SOX6: variants seen among roughly 807,000 people sequenced by gnomAD.
SOX6 encodes transcription factor SOX-6.
In SOX6, 11 loss-of-function variants were observed where a neutral mutation model predicts 97.8. The observed-to-expected ratio is 0.11, with a 90% CI of 0.07 to 0.19. SOX6 has a LOEUF of 0.19. SOX6 is among the 10% of genes least tolerant of loss of function. The pLI, the probability that SOX6 is intolerant of heterozygous loss-of-function variation, is 1.00. For synonymous variants in SOX6, 360 were observed against 371.4 expected, an observed-to-expected ratio of 0.97 and a Z score of 0.35; for missense variants, 810 against 1,039.5, an observed-to-expected ratio of 0.78 and a Z score of 3.04.
chr11:16,104,553 T>G (rs1012875886), intron 7 of SOX6, among the ~76,000 whole-genome samples: 3 of 151,778 alleles, frequency 2.0e-5, no homozygotes, highest in African/African-American at 7.3e-5. Flanking sequence ...TATTACCACT[T>G]ATATCTAAGA....
At chr11:16,012,562 T>A (rs1379315239) in intron 13 of SOX6, among the ~76,000 whole-genome samples, 1 of 151,960 alleles carries the variant, frequency 6.6e-6, no homozygotes, top group African/African-American at 2.4e-5. Flanking sequence ...CAGAGTAACA[T>A]GAGAGCTGGT....
intron 2 of SOX6, among the ~76,000 whole-genome samples, chr11:16,331,951 C>T (rs1208453573): frequency 1.3e-5 from 2 of 152,064 alleles, no homozygotes; most frequent in African/African-American, 4.8e-5. Context: ...TTTTATTTTC[C>T]CCTCTTAACT....
intron 4 of SOX6, among the ~76,000 whole-genome samples, chr11:16,224,746 G>C (rs1284390604): frequency 6.6e-6 from 1 of 151,904 alleles, no homozygotes; most frequent in Admixed American, 6.6e-5. Context: ...GAGTCCATGG[G>C]TTCTGCAATA....
At chr11:16,062,439 A>T (rs1847982537) in intron 9 of SOX6, among the ~76,000 whole-genome samples, 1 of 151,722 alleles carries the variant, frequency 6.6e-6, no homozygotes, top group Non-Finnish European at 1.5e-5. Flanking sequence ...AGTCATAATG[A>T]TTATAATAAT....
At chr11:16,372,788 G>C (rs1857525971) in intron 1 of SOX6, among the ~76,000 whole-genome samples, 1 of 152,066 alleles carries the variant, frequency 6.6e-6, no homozygotes, top group Non-Finnish European at 1.5e-5. Context: ...GATATCACCA[G>C]CTGGACACGT....
chr11:16,664,252 C>A (rs1355322021), intron 3 of SOX6, among the ~76,000 whole-genome samples: 5 of 152,184 alleles, frequency 3.3e-5, no homozygotes, highest in African/African-American at 1.2e-4. Flanking sequence ...ATCACAGTAC[C>A]TAATTTTAAC....
intron 1 of SOX6, among the ~76,000 whole-genome samples, chr11:16,418,279 T>C (rs1858962977): frequency 1.3e-5 from 2 of 152,188 alleles, no homozygotes; most frequent in South Asian, 4.1e-4. Flanking sequence ...AAAAGTGATA[T>C]GGTAATCATC....
intron 9 of SOX6, among the ~76,000 whole-genome samples, chr11:16,087,810 G>T (rs1848608990): frequency 6.6e-6 from 1 of 152,096 alleles, no homozygotes; most frequent in African/African-American, 2.4e-5. Context: ...TTCTCAGAGG[G>T]CAGGGACTTT....
chr11:16,033,442 A>G (rs996461251), intron 12 of SOX6, among the ~76,000 whole-genome samples: 1 of 152,160 alleles, frequency 6.6e-6, no homozygotes, highest in African/African-American at 2.4e-5. Context: ...GACCGATTTC[A>G]AAGGCTCCTG....
chr11:15,991,574 A>C (rs996325176), intron 13 of SOX6, among the ~76,000 whole-genome samples: 7 of 152,216 alleles, frequency 4.6e-5, no homozygotes, highest in African/African-American at 1.4e-4. Context: ...AGATGCAAAA[A>C]CATTTCAATA....
intron 6 of SOX6, among the ~76,000 whole-genome samples, chr11:16,128,792 G>A (rs757007226): frequency 7.2e-5 from 11 of 152,068 alleles, no homozygotes; most frequent in Non-Finnish European, 1.3e-4. Context: ...ACATAACCTG[G>A]TGACTAGATA....
Position 16,248,343 on chromosome 11 carries a change from C to T in SOX6, c.446-13672G>A, listed in dbSNP as rs144951662. Among the ~76,000 whole-genome samples the T allele has an allele frequency of 2.7e-3, 413 of 152,238 alleles. 13 individuals carry two copies. The highest frequency in any genetic ancestry group is 0.023 in the Admixed American group (346 of 15,290). On this transcript the variant is annotated intron_variant, in intron 3 of 15. Coordinates refer to ENST00000683767, the MANE Select transcript of SOX6 (RefSeq NM_001367873.1). ...CTTCTCACAGCTCTACTAGGCAGTG[C>T]CCCAGTGGGGACTCTGTGTAGGGGT... is the stretch of plus-strand genomic sequence containing the variant.
intron 12 of SOX6, among the ~76,000 whole-genome samples, chr11:16,020,784 GCAC>G (rs1230268526): frequency 4.6e-5 from 7 of 152,150 alleles, no homozygotes; most frequent in African/African-American, 1.7e-4. Flanking sequence ...TGGTTCATGT[GCAC>G]CACCAAGTCT....
intron 13 of SOX6, among the ~76,000 whole-genome samples, chr11:15,992,739 A>G (rs561108152): frequency 6.6e-6 from 1 of 152,332 alleles, no homozygotes; most frequent in East Asian, 1.9e-4. Flanking sequence ...ATACATATTG[A>G]AGGTTTCTGC....
At position 16,014,934 on chromosome 11, in the gene SOX6, C is replaced by A. The variant is rs1181777889; in HGVS notation, c.1732+8G>T. The A allele has an allele frequency of 7.5e-6, 12 of 1,610,538 alleles. No individual in the cohort carries two copies. The highest frequency in any genetic ancestry group is 9.3e-6 in the Non-Finnish European group (11 of 1,177,404). ...GCAGCAGAAAAGAACTAGAGAAAAG[C>A]CACTCACCCTCTGCATCTTCTGGCC... On this transcript the variant is annotated splice_region_variant and intron_variant, in intron 13 of 15. Transcript: ENST00000683767.
Position 16,569,443 on chromosome 11 carries a change from G to A in SOX6, n.609+42638C>T, listed in dbSNP as rs146249694. Among the ~76,000 whole-genome samples, 203 of 152,174 alleles carry A rather than the reference G, an allele frequency of 1.3e-3. 1 individual carries two copies. Among genetic ancestry groups the A allele is most frequent in the African/African-American group, 4.8e-3 (199 of 41,520 alleles). On this transcript the variant is annotated intron_variant and non_coding_transcript_variant, in intron 4 of 5. Transcript: ENST00000524520. The stretch of plus-strand genomic sequence containing the variant: ...AGAAATTATTTTGGGTGCTCCAGTG[G>A]TACAATCAGTTAGCACACAGTACGT...
chr11:16,593,013 G>T lies in SOX6; in HGVS notation n.609+19068C>A, dbSNP rs537123553. 3.9e-5 allele frequency among the ~76,000 whole-genome samples: 6 copies of T among 151,960 alleles called. No homozygotes were observed. The South Asian group carries it at 1.3e-3, about 32-fold the overall frequency. On this transcript the variant is annotated intron_variant and non_coding_transcript_variant, in intron 4 of 5. Coordinates refer to the SOX6 transcript ENST00000524520. Reference sequence around the variant, plus strand: ...GAGACCAGCTATGGCTCTCGGTAGTGAAATTATAGATACTGGAGTTATCAG... The same window carrying T: ...GAGACCAGCTATGGCTCTCGGTAGTTAAATTATAGATACTGGAGTTATCAG...
chr11:16,514,451 G>C (rs1262049501), intron 4 of SOX6, among the ~76,000 whole-genome samples: 1 of 152,052 alleles, frequency 6.6e-6, no homozygotes, highest in Non-Finnish European at 1.5e-5. Flanking sequence ...TTAGCTAACT[G>C]TGTAACCTCT....
intron 3 of SOX6, among the ~76,000 whole-genome samples, chr11:16,640,698 A>G (rs553009184): frequency 6.6e-6 from 1 of 152,252 alleles, no homozygotes; most frequent in South Asian, 2.1e-4. Context: ...TAATTTGCGT[A>G]GAGGTGTTTA....
Sources: allele counts gnomAD v4.1 joint callset (sites outside exome capture counted in the v4.1 genomes callset), GRCh38; gene constraint gnomAD v4.1.1; transcripts MANE v1.5; gene names NCBI Gene and HGNC (gene_info 2026-07-23, HGNC 2026-07-21).